GSTO2: variants seen among roughly 807,000 people sequenced by gnomAD.
GSTO2 encodes the protein glutathione S-transferase omega-2.
In GSTO2, 23 loss-of-function variants were observed where a neutral mutation model predicts 28.4. The ratio of observed to expected loss-of-function variants is 0.81; its 90% CI spans 0.58 to 1.15. The LOEUF (loss-of-function observed/expected upper bound fraction) is 1.15, where lower values mean the gene tolerates loss of function less well. Among genes scored for constraint, GSTO2 ranks in the 50% most tolerant of loss-of-function variants. The pLI is 0.00. For synonymous variants in GSTO2, 109 were observed against 111.0 expected, an observed-to-expected ratio of 0.98 and a Z score of 0.11; for missense variants, 298 against 297.8, an observed-to-expected ratio of 1.00 and a Z score of 0.00.
rs2011578855 is a variant in GSTO2 at position 104,275,313 on chromosome 10, T to G, written c.122T>G (p.Val41Gly). The change falls in exon 3 of 7, where the codon GTC becomes GGC. Residue 41 changes from valine to glycine, a missense_variant. Physicochemically the swap from Val to Gly is moderately radical, Grantham distance 109 (BLOSUM62 -3). Coordinates refer to ENST00000338595, the MANE Select transcript of GSTO2 (RefSeq NM_183239.2). ...CCCTATTCTCACAGGACCCGCCTCGTCCTCAAGGCCAAAGACATCAGGTGA... is the reference window on the plus strand; with the variant it reads ...CCCTATTCTCACAGGACCCGCCTCGGCCTCAAGGCCAAAGACATCAGGTGA... ...FCPYSHRTRL[V>G]LKAKDIRHEV... 1.9e-6 allele frequency: 3 copies of G among 1,613,842 alleles called. No homozygotes were observed. The Admixed American group carries it at 5.0e-5, about 27-fold the overall frequency.
chr10:104,284,625 TTTTTAG>T (rs1479014567), intron 5 of GSTO2, among the ~76,000 whole-genome samples: 1 of 152,172 alleles, frequency 6.6e-6, no homozygotes, highest in African/African-American at 2.4e-5. Context: ...CAGCACACAT[TTTTTAG>T]TTTTATTCTT....
intron 5 of GSTO2, among the ~76,000 whole-genome samples, chr10:104,290,684 A>G (rs377633380): frequency 2.1e-4 from 32 of 152,308 alleles, no homozygotes; most frequent in African/African-American, 7.5e-4. Context: ...TGTGGAATCT[A>G]AAAATCAAAA....
In GSTO2 at chr10:104,274,956, G is replaced by A; in HGVS notation, c.34+7G>A. ...ACCAGGACCCTGGGGAAAGGTGAGT[G>A]CTCTCCATGGGGTCCGCGAGCTGGG... On this transcript the variant is annotated splice_region_variant and intron_variant, in intron 2 of 6. Coordinates refer to ENST00000338595, the MANE Select transcript of GSTO2 (RefSeq NM_183239.2). 2.5e-6 allele frequency: 4 copies of A among 1,593,560 alleles called. No homozygotes were observed. The highest frequency in any genetic ancestry group is 3.4e-6 in the Non-Finnish European group (4 of 1,173,904).
chr10:104,271,364 T>A (rs1008032907), intron 1 of GSTO2, among the ~76,000 whole-genome samples: 2 of 152,378 alleles, frequency 1.3e-5, no homozygotes, highest in East Asian at 3.9e-4. Context: ...TGCACTCTGC[T>A]ATTTAAAATG....
Position 104,299,221 on chromosome 10 carries a change from C to T in GSTO2, c.669C>T (p.Phe223=), listed in dbSNP as rs2013182645. The change falls in exon 7 of 7, where the codon TTC becomes TTT. Residue 223 remains phenylalanine, a synonymous_variant. Transcript: ENST00000338595. ...CTCTTCTCATGGATAAGAGCATTTT[C>T]CAGGGCTTCTTGAATCTCTATTTTC... The part of the protein sequence containing the change: ...VCALLMDKSI[F]QGFLNLYFQN... The T allele has an allele frequency of 6.2e-7, 1 of 1,614,086 alleles. No homozygotes were observed. The highest frequency in any genetic ancestry group is 8.5e-7 in the Non-Finnish European group (1 of 1,180,042).
At position 104,274,925 on chromosome 10, in the gene GSTO2, G is replaced by T. The variant is rs748533946; in HGVS notation, c.10G>T (p.Asp4Tyr). ...AAACCACCTGGAGACCATGTCTGGG[G>T]ATGCGACCAGGACCCTGGGGAAAGG... MSG[D>Y]ATRTLGKGSQ... The change falls in exon 2 of 7, where the codon GAT becomes TAT. Residue 4 changes from aspartate (D) to tyrosine (Y), a missense_variant. By Grantham distance (160) the Asp-to-Tyr change is radical. Coordinates refer to ENST00000338595, the MANE Select transcript of GSTO2 (RefSeq NM_183239.2). 1 of 1,610,044 alleles carries T rather than the reference G, an allele frequency of 6.2e-7. No individual in the cohort carries two copies. Among genetic ancestry groups the T allele is most frequent in the Non-Finnish European group, 8.5e-7 (1 of 1,178,554 alleles).
chr10:104,276,538 A>G (rs1305330943), intron 3 of GSTO2, among the ~76,000 whole-genome samples: 1 of 152,182 alleles, frequency 6.6e-6, no homozygotes, highest in Non-Finnish European at 1.5e-5. Context: ...CCCCTTCCCT[A>G]TGCACTACCT....
intron 1 of GSTO2, among the ~76,000 whole-genome samples, chr10:104,269,937 A>G (rs2011305457): frequency 6.6e-6 from 1 of 151,990 alleles, no homozygotes; most frequent in Non-Finnish European, 1.5e-5. Context: ...TTACAGTAAG[A>G]CCGTTCGTGA....
intron 5 of GSTO2, among the ~76,000 whole-genome samples, chr10:104,292,310 C>T (rs907163638): frequency 1.3e-5 from 2 of 151,206 alleles, no homozygotes; most frequent in African/African-American, 4.9e-5. Flanking sequence ...TCCTGGGCAC[C>T]ACTACACCCA....
intron 5 of GSTO2, 99 bp from the exon 6 acceptor site, chr10:104,297,479 C>G: frequency 1.4e-6 from 1 of 726,446 alleles, no homozygotes; most frequent in Non-Finnish European, 2.3e-6. Context: ...GGCCTCAGTT[C>G]TCCCTCTCTG....
chr10:104,293,587 C>T (rs1192456917), intron 5 of GSTO2, among the ~76,000 whole-genome samples: 8 of 48,318 alleles, frequency 1.7e-4, no homozygotes, highest in African/African-American at 6.8e-4. Flanking sequence ...TTTTTTTTTG[C>T]GACAAGGTCT....
chr10:104,288,940 T>G (rs1309954928), intron 5 of GSTO2, among the ~76,000 whole-genome samples: 1 of 152,248 alleles, frequency 6.6e-6, no homozygotes, highest in Admixed American at 6.5e-5. Context: ...TCCACTGTTT[T>G]ATGTGTAGGA....
intron 5 of GSTO2, among the ~76,000 whole-genome samples, chr10:104,283,365 C>T (rs1589864999): frequency 6.6e-6 from 1 of 152,332 alleles, no homozygotes; most frequent in East Asian, 1.9e-4. Context: ...GTGGCTCACA[C>T]TTGTAATCCA....
intron 4 of GSTO2, among the ~76,000 whole-genome samples, chr10:104,279,003 A>G (rs928242235): frequency 2.0e-5 from 3 of 152,218 alleles, no homozygotes; most frequent in Non-Finnish European, 4.4e-5. Context: ...GAGCTAACTC[A>G]TTTAATCCAA....
intron 1 of GSTO2, among the ~76,000 whole-genome samples, chr10:104,272,847 C>T (rs2011482105): frequency 6.6e-6 from 1 of 151,816 alleles, no homozygotes. Context: ...CTCCTGACCT[C>T]GTGATCCGCC....
chr10:104,284,100 C>T (rs1008439564), intron 5 of GSTO2, among the ~76,000 whole-genome samples: 3 of 151,508 alleles, frequency 2.0e-5, no homozygotes, highest in African/African-American at 7.3e-5. Flanking sequence ...TGGCTCATGC[C>T]TGCAATCCCA....
At position 104,303,101 on chromosome 10, in the gene GSTO2, C is replaced by T. The variant is rs1053388206; in HGVS notation, c.*3817C>T. 2.0e-5 allele frequency: 3 copies of T among 152,216 alleles called. No homozygotes were observed. The highest frequency in any genetic ancestry group is 7.2e-5 in the African/African-American group (3 of 41,452). The allele number at this position is 152,216 out of a possible 1,614,324, so 9.4% of individuals were successfully genotyped here. On this transcript the variant is annotated 3_prime_UTR_variant, in exon 7 of 7. Coordinates refer to ENST00000338595, the MANE Select transcript of GSTO2 (RefSeq NM_183239.2). ...GTTATTTTTCCTGATCCTCTCCCTCCTCCCACCCTGCACCCTCTGATAGGC... is the reference window on the plus strand; with the variant it reads ...GTTATTTTTCCTGATCCTCTCCCTCTTCCCACCCTGCACCCTCTGATAGGC...
chr10:104,289,840 A>C (rs943221153), intron 5 of GSTO2, among the ~76,000 whole-genome samples: 7 of 152,252 alleles, frequency 4.6e-5, no homozygotes, highest in Non-Finnish European at 8.8e-5. Context: ...GGTGCTCAGC[A>C]TCATTGATCA....
rs545670800 is a variant in GSTO2 at position 104,282,371 on chromosome 10, G to A, written c.468+2900G>A. Among the ~76,000 whole-genome samples, 23 of 152,014 alleles carry A rather than the reference G, an allele frequency of 1.5e-4. No homozygotes were observed. The South Asian group carries it at 4.8e-3, about 32-fold the overall frequency. ...AGTTTGAGAACACCCTGGTCAACATGGCAAACCTCCATCTCTTTAAAAAAT... is the reference window on the plus strand; with the variant it reads ...AGTTTGAGAACACCCTGGTCAACATAGCAAACCTCCATCTCTTTAAAAAAT... On this transcript the variant is annotated intron_variant, in intron 5 of 6. Transcript: ENST00000338595.
Sources: gnomAD v4.1 joint callset for allele counts (sites outside exome capture counted in the v4.1 genomes callset) on GRCh38, gnomAD v4.1.1 for gene constraint, MANE v1.5 for transcripts, NCBI Gene and HGNC (gene_info 2026-07-23, HGNC 2026-07-21) for gene names.